PCDHGB7: variants seen among roughly 807,000 people sequenced by gnomAD.
The protein encoded by PCDHGB7 is protocadherin gamma-B7.
PCDHGB7 carries 37 observed loss-of-function variants against 61.4 expected under a neutral mutation model. The ratio of observed to expected loss-of-function variants is 0.60; its 90% CI spans 0.46 to 0.79. The LOEUF (loss-of-function observed/expected upper bound fraction) is 0.79. Among genes scored for constraint, PCDHGB7 ranks in the 30% least tolerant of loss-of-function variants. The probability of loss-of-function intolerance (pLI) is 0.00; values close to 1 mark genes in which losing one functional copy is unlikely to be tolerated. For missense variants in PCDHGB7, 1,166 were observed against 1,202.5 expected (o/e 0.97, Z 0.45); for synonymous variants, 464 against 503.5 (o/e 0.92, Z 1.05).
chr5:141,441,230 ATTTAAATCACAAGATC>A (rs1009424536), intron 1 of PCDHGB7: 1 of 152,196 alleles, frequency 6.6e-6, no homozygotes, highest in African/African-American at 2.4e-5. Context: ...ACTGTCCAGG[ATTTAAATCACAAGATC>A]TTTAAATCAC....
chr5:141,437,638 A>G (rs192433359), intron 1 of PCDHGB7, among the ~76,000 whole-genome samples: 1 of 152,250 alleles, frequency 6.6e-6, no homozygotes, highest in Admixed American at 6.5e-5. Context: ...TGTCAGGTTC[A>G]GAAAAGCAAA....
chr5:141,478,327 A>G lies in PCDHGB7; in HGVS notation c.2416-16480A>G, dbSNP rs149317962. The G allele has an allele frequency of 9.9e-6, 16 of 1,613,974 alleles. No homozygotes were observed. The African/African-American group carries it at 2.0e-4, about 20-fold the overall frequency. The stretch of plus-strand genomic sequence containing the variant: ...CCCCGGTGAGCTCACTGTACCGAAC[A>G]CCAGGGCCCTCCTTGCACGCGGACG... On this transcript the variant is annotated intron_variant, in intron 1 of 3. Transcript: ENST00000398594.
chr5:141,432,528 A>T lies in PCDHGB7; in HGVS notation c.2415+12254A>T. The T allele has an allele frequency of 1.2e-6, 2 of 1,613,804 alleles. No homozygotes were observed. The highest frequency in any genetic ancestry group is 1.7e-6 in the Non-Finnish European group (2 of 1,180,000). ...GCAGAGCCCGGCTACCTGGTGACCA[A>T]GGTGGTGGCGGTGGACAGAGACTCC... is the stretch of plus-strand genomic sequence containing the variant. On this transcript the variant is annotated intron_variant, in intron 1 of 3. Transcript: ENST00000398594. This position sits in a 1 kb window ranked among gnomAD's most constrained non-coding sequence, Gnocchi z 6.0.
intron 1 of PCDHGB7, chr5:141,478,480 G>C (rs1444434721): frequency 1.9e-6 from 3 of 1,613,564 alleles, no homozygotes; most frequent in South Asian, 2.2e-5. Flanking sequence ...GCCAGAACAC[G>C]CTGCGGAGCT....
intron 1 of PCDHGB7, among the ~76,000 whole-genome samples, chr5:141,451,429 G>A (rs577699188): frequency 1.3e-3 from 195 of 152,306 alleles, no homozygotes; most frequent in African/African-American, 4.5e-3. Flanking sequence ...TAGACTAAGG[G>A]TTCCAGTTCC....
chr5:141,482,404 A>C (rs1262544355), intron 1 of PCDHGB7, among the ~76,000 whole-genome samples: 1 of 152,076 alleles, frequency 6.6e-6, no homozygotes, highest in Non-Finnish European at 1.5e-5. Flanking sequence ...GTACTCAATA[A>C]CTATTTGTTG....
chr5:141,473,382 C>T (rs780229708), intron 1 of PCDHGB7, among the ~76,000 whole-genome samples: 3 of 152,190 alleles, frequency 2.0e-5, no homozygotes, highest in Non-Finnish European at 4.4e-5. Context: ...TGGTCCCTGC[C>T]CTCCTGGAGC....
At chr5:141,505,505 G>A (rs2099846270) in intron 3 of PCDHGB7, 24 bp downstream of exon 3, 1 of 1,614,132 alleles carries the variant, frequency 6.2e-7, no homozygotes, top group Non-Finnish European at 8.5e-7. Flanking sequence ...GTGTGTGTAT[G>A]GAAGAGTGGG....
chr5:141,439,416 G>T (rs1169961917), intron 1 of PCDHGB7, among the ~76,000 whole-genome samples: 3 of 152,156 alleles, frequency 2.0e-5, no homozygotes, highest in African/African-American at 7.2e-5. Flanking sequence ...CATCACTGAG[G>T]TTATAAATTC....
At chr5:141,507,809 C>G (rs866898784) in intron 3 of PCDHGB7, among the ~76,000 whole-genome samples, 1 of 152,206 alleles carries the variant, frequency 6.6e-6, no homozygotes, top group Non-Finnish European at 1.5e-5. Context: ...CCCTGGGGAA[C>G]GGACCCTGGG....
intron 1 of PCDHGB7, 157 bp from the exon 2 acceptor site, chr5:141,494,645 GTGTAT>G: frequency 1.1e-6 from 1 of 935,948 alleles, no homozygotes; most frequent in Non-Finnish European, 1.3e-6. Context: ...GAGACCTGAG[GTGTAT>G]TTTGTCTTTG....
intron 1 of PCDHGB7, among the ~76,000 whole-genome samples, chr5:141,474,243 G>GA (rs1161758975): frequency 2.6e-5 from 4 of 152,050 alleles, no homozygotes; most frequent in Admixed American, 1.3e-4. Context: ...CTGAATAGGG[G>GA]AAAAAAAGAC....
chr5:141,463,938 T>A (rs1378018670), intron 1 of PCDHGB7, among the ~76,000 whole-genome samples: 3 of 152,168 alleles, frequency 2.0e-5, no homozygotes, highest in Non-Finnish European at 4.4e-5. Context: ...TATAAATTTA[T>A]AGAAATCTTC....
chr5:141,492,894 G>A (rs2099744893), intron 1 of PCDHGB7, among the ~76,000 whole-genome samples: 1 of 152,202 alleles, frequency 6.6e-6, no homozygotes, highest in Admixed American at 6.5e-5. Flanking sequence ...GGCTTTTGGC[G>A]CCGTCGTGAT....
At position 141,432,172 on chromosome 5, in the gene PCDHGB7, C is replaced by A. The variant is rs562175068; in HGVS notation, c.2415+11898C>A. ...AGAACAATCCCAGAGGAGTTTCCCT[C>A]GTCTCTGTGACCGCCCACGACCCCG... On this transcript the variant is annotated intron_variant, in intron 1 of 3. Coordinates refer to ENST00000398594, the MANE Select transcript of PCDHGB7 (RefSeq NM_018927.4). This position sits in a 1 kb window ranked among gnomAD's most constrained non-coding sequence, Gnocchi z 6.0. 5 of 1,614,152 alleles carry A rather than the reference C, an allele frequency of 3.1e-6. No homozygotes were observed. The South Asian group carries it at 4.4e-5, about 14-fold the overall frequency.
chr5:141,450,832 T>A (rs192186566), intron 1 of PCDHGB7, among the ~76,000 whole-genome samples: 5,292 of 142,276 alleles, frequency 0.037, 115 homozygotes, highest in Middle Eastern at 0.096. Flanking sequence ...TATTATTATT[T>A]TTTTTTTTTT....
rs61612330 is a variant in PCDHGB7 at position 141,454,796 on chromosome 5, A to ATTTTTTTTT, written c.2415+34543_2415+34551dup. Among the ~76,000 whole-genome samples the ATTTTTTTTT allele has an allele frequency of 8.2e-3, 638 of 77,468 alleles. 91 individuals carry two copies. The highest frequency in any genetic ancestry group is 0.025 in the African/African-American group (426 of 16,886). 50.8% of individuals were successfully genotyped at this position (77,468 alleles called of 152,430 possible). On this transcript the variant is annotated intron_variant, in intron 1 of 3. Coordinates refer to ENST00000398594, the MANE Select transcript of PCDHGB7 (RefSeq NM_018927.4). ...AAGGAAATAATCCTCCATGGTTCTA[A>ATTTTTTTTT]TTTTTTTTTTTTTTTTTTTTTTTTT...
Position 141,431,428 on chromosome 5 carries a change from A to G in PCDHGB7, c.2415+11154A>G. The stretch of plus-strand genomic sequence containing the variant: ...CCGACGGGGGCGACCCGGTGCGCAC[A>G]GGCACCGCGCGCATCCGCGTGATGG... On this transcript the variant is annotated intron_variant, in intron 1 of 3. Transcript: ENST00000398594. This position sits in a 1 kb window ranked among gnomAD's most constrained non-coding sequence, Gnocchi z 4.8. The G allele has an allele frequency of 6.2e-7, 1 of 1,613,664 alleles. No individual in the cohort carries two copies. Among genetic ancestry groups the G allele is most frequent in the Non-Finnish European group, 8.5e-7 (1 of 1,179,998 alleles).
chr5:141,487,403 C>T lies in PCDHGB7; in HGVS notation c.2416-7404C>T. 1 of 1,614,140 alleles carries T rather than the reference C, an allele frequency of 6.2e-7. No homozygotes were observed. Among genetic ancestry groups the T allele is most frequent in the South Asian group, 1.1e-5 (1 of 91,082 alleles). ...CAGATCTCGAAGGAGGGAGGGGCTTCCCCCTTCCAATGGGATCCTCCGAAT... is the reference window on the plus strand; with the variant it reads ...CAGATCTCGAAGGAGGGAGGGGCTTTCCCCTTCCAATGGGATCCTCCGAAT... On this transcript the variant is annotated intron_variant, in intron 1 of 3. Coordinates refer to ENST00000398594, the MANE Select transcript of PCDHGB7 (RefSeq NM_018927.4). The surrounding 1 kb of genome is among the most constrained non-coding windows in gnomAD (Gnocchi z 5.0).
Sources: allele counts gnomAD v4.1 joint callset (sites outside exome capture counted in the v4.1 genomes callset), GRCh38; gene constraint gnomAD v4.1.1; non-coding constraint Gnocchi (gnomAD v3.1); transcripts MANE v1.5; gene names NCBI Gene and HGNC (gene_info 2026-07-23, HGNC 2026-07-21).